The following SYN3 variants were observed in gnomAD, a reference collection of about 807,000 sequenced individuals.
SYN3 encodes the protein synapsin-3.
Under a neutral mutation model 65.8 loss-of-function variants are expected in SYN3, and 35 were observed. The observed-to-expected ratio is 0.53, with a 90% CI of 0.41 to 0.70. The LOEUF is 0.70. Ranked by LOEUF, SYN3 falls within the 30% of genes least tolerant of loss-of-function variation. The pLI, the probability that SYN3 is intolerant of heterozygous loss-of-function variation, is 0.00. For synonymous variants in SYN3, 270 were observed against 292.9 expected (o/e 0.92, Z 0.80); for missense variants, 680 against 749.0 (o/e 0.91, Z 1.08).
At chr22:32,760,693 C>T (rs560826398) in intron 6 of SYN3, among the ~76,000 whole-genome samples, 74 of 152,300 alleles carry the variant, frequency 4.9e-4, no homozygotes, top group Non-Finnish European at 9.0e-4. Flanking sequence ...CTCCTCTGTC[C>T]TTCCCCACTG....
intron 2 of SYN3, among the ~76,000 whole-genome samples, chr22:32,995,516 G>A (rs2052852252): frequency 6.6e-6 from 1 of 152,132 alleles, no homozygotes; most frequent in African/African-American, 2.4e-5. Flanking sequence ...TGCCAGCTCT[G>A]AGTTCACCCC....
intron 6 of SYN3, among the ~76,000 whole-genome samples, chr22:32,662,319 C>A (rs1363284877): frequency 6.6e-6 from 1 of 152,186 alleles, no homozygotes; most frequent in East Asian, 1.9e-4. Context: ...CAGCTGAGGA[C>A]TCCCAAATCT....
chr22:32,977,187 T>C (rs1367392036), intron 3 of SYN3, among the ~76,000 whole-genome samples: 1 of 152,300 alleles, frequency 6.6e-6, no homozygotes, highest in East Asian at 1.9e-4. Context: ...TGACTCTAAA[T>C]TAGCCAAGGT....
At chr22:32,616,108 C>T (rs962761086) in intron 6 of SYN3, among the ~76,000 whole-genome samples, 3 of 152,210 alleles carry the variant, frequency 2.0e-5, no homozygotes, top group Non-Finnish European at 4.4e-5. Flanking sequence ...TGGACCCAGC[C>T]AGGAGCCGGA....
At chr22:32,693,592 G>GTTTTTTTTTTTTTTTTTT (rs1189710191) in intron 6 of SYN3, among the ~76,000 whole-genome samples, 1 of 90,532 alleles carries the variant, frequency 1.1e-5, no homozygotes, top group African/African-American at 5.2e-5. Context: ...TCTGTAGCTT[G>GTTTTTTTTTTTTTTTTTT]TTTTTTTTTT....
chr22:32,916,050 T>C (rs1483186820), intron 4 of SYN3, among the ~76,000 whole-genome samples: 2 of 152,218 alleles, frequency 1.3e-5, no homozygotes, highest in Non-Finnish European at 2.9e-5. Flanking sequence ...GCCCCTCTTG[T>C]AATGTGCCCT....
At position 32,651,923 on chromosome 22, in the gene SYN3, G is replaced by A. The variant is rs187045706; in HGVS notation, c.712-55187C>T. Among the ~76,000 whole-genome samples the A allele has an allele frequency of 2.4e-3, 373 of 152,262 alleles. 2 individuals carry two copies. The highest frequency in any genetic ancestry group is 7.6e-3 in the African/African-American group (316 of 41,540). On this transcript the variant is annotated intron_variant, in intron 6 of 13. Transcript: ENST00000358763. ...AGGGGAATTGCTACTGGCATCTAGC[G>A]GGTAGAAGCCAGGGATGCATCTAAT...
chr22:32,914,134 A>G (rs2050128916), intron 4 of SYN3, among the ~76,000 whole-genome samples: 1 of 152,204 alleles, frequency 6.6e-6, no homozygotes, highest in Non-Finnish European at 1.5e-5. Context: ...AACTTGTCCA[A>G]TGTAAGTGAC....
In SYN3 at chr22:32,829,269, C is replaced by T. The variant is rs867129; in HGVS notation, c.711+35646G>A. Among the ~76,000 whole-genome samples the T allele has an allele frequency of 7.8e-3, 1,194 of 152,300 alleles. 11 individuals carry two copies. Among genetic ancestry groups the T allele is most frequent in the Admixed American group, 0.015 (231 of 15,298 alleles). Reference sequence around the variant, plus strand: ...CTAAACCCTCCTTTCGTGATCACGCCTGGTGGCTCAAAGAATTGCTCCCCC... The same window carrying T: ...CTAAACCCTCCTTTCGTGATCACGCTTGGTGGCTCAAAGAATTGCTCCCCC... On this transcript the variant is annotated intron_variant, in intron 6 of 13. Coordinates refer to ENST00000358763, the MANE Select transcript of SYN3 (RefSeq NM_003490.4).
At chr22:32,780,097 A>AGAG (rs57241678) in intron 6 of SYN3, among the ~76,000 whole-genome samples, 4 of 888 alleles carry the variant, frequency 4.5e-3, no homozygotes, top group Non-Finnish European at 0.067. Flanking sequence ...AAAAAAAGAG[A>AGAG]AAAAAAACAG....
chr22:32,568,564 G>A (rs2058703512), intron 7 of SYN3, among the ~76,000 whole-genome samples: 1 of 152,150 alleles, frequency 6.6e-6, no homozygotes, highest in African/African-American at 2.4e-5. Flanking sequence ...TTCAGTGTCT[G>A]GTGAGGCCCT....
At position 32,886,327 on chromosome 22, in the gene SYN3, G is replaced by A. The variant is rs547094889; in HGVS notation, c.462-17202C>T. 2.6e-5 allele frequency among the ~76,000 whole-genome samples: 4 copies of A among 152,272 alleles called. No individual in the cohort carries two copies. In the East Asian group the frequency reaches 7.7e-4, roughly 29 times the overall value. On this transcript the variant is annotated intron_variant, in intron 4 of 13. Coordinates refer to ENST00000358763, the MANE Select transcript of SYN3 (RefSeq NM_003490.4). Reference sequence around the variant, plus strand: ...GTTTCTCTAGCTCTCCAAGCCTTGCGTTTCTCCCTGTGAAAATGGCAGCTT... The same window carrying A: ...GTTTCTCTAGCTCTCCAAGCCTTGCATTTCTCCCTGTGAAAATGGCAGCTT...
chr22:33,015,937 G>A (rs2053458477), intron 1 of SYN3, among the ~76,000 whole-genome samples: 1 of 151,088 alleles, frequency 6.6e-6, no homozygotes, highest in Non-Finnish European at 1.5e-5. Context: ...CACCTCCTAC[G>A]TTGAAGTGAT....
chr22:32,549,218 A>G (rs1053825911), intron 7 of SYN3, among the ~76,000 whole-genome samples: 4 of 152,288 alleles, frequency 2.6e-5, no homozygotes, highest in Non-Finnish European at 5.9e-5. Context: ...TATGGCGTGA[A>G]AAAAATAGGG....
chr22:32,697,142 G>C (rs990376166), intron 6 of SYN3, among the ~76,000 whole-genome samples: 12 of 152,182 alleles, frequency 7.9e-5, no homozygotes, highest in Admixed American at 2.0e-4. Flanking sequence ...CCCAAGAGGA[G>C]ACCCTCTCCT....
intron 6 of SYN3, among the ~76,000 whole-genome samples, chr22:32,749,551 G>A: frequency 6.6e-6 from 1 of 152,120 alleles, no homozygotes; most frequent in East Asian, 1.9e-4. Flanking sequence ...TGAGGCAGGA[G>A]AATTGCTTGA....
At chr22:32,669,603 A>C (rs1364846436) in intron 6 of SYN3, among the ~76,000 whole-genome samples, 1 of 152,258 alleles carries the variant, frequency 6.6e-6, no homozygotes, top group Admixed American at 6.5e-5. Context: ...CAGTGACAGC[A>C]GTGGTGGGCA....
At chr22:32,809,283 A>C (rs959428118) in intron 6 of SYN3, among the ~76,000 whole-genome samples, 1 of 152,196 alleles carries the variant, frequency 6.6e-6, no homozygotes, top group Non-Finnish European at 1.5e-5. Flanking sequence ...AAGGGCTACA[A>C]CTTTTTAGAC....
chr22:32,631,015 C>T (rs888852619), intron 6 of SYN3, among the ~76,000 whole-genome samples: 3 of 152,072 alleles, frequency 2.0e-5, no homozygotes, highest in Admixed American at 2.0e-4. Context: ...TGCAGAGGGC[C>T]GGGTGTGGTG....
Sources: allele counts gnomAD v4.1 joint callset (sites outside exome capture counted in the v4.1 genomes callset), GRCh38; gene constraint gnomAD v4.1.1; transcripts MANE v1.5; gene names NCBI Gene and HGNC (gene_info 2026-07-23, HGNC 2026-07-21).